The following SYK variants were observed in gnomAD, a reference collection of about 807,000 sequenced individuals.
SYK encodes tyrosine-protein kinase SYK.
In SYK, 16 loss-of-function variants were observed where a neutral mutation model predicts 77.8. The observed-to-expected ratio is 0.21, with a 90% confidence interval of 0.14 to 0.31. SYK has a LOEUF of 0.31. Ranked by LOEUF, SYK falls within the 10% of genes least tolerant of loss-of-function variation. The pLI, the probability that SYK is intolerant of heterozygous loss-of-function variation, is 1.00. For synonymous variants in SYK, 312 were observed against 308.7 expected, an observed-to-expected ratio of 1.01 and a Z score of -0.11; for missense variants, 529 against 814.4, an observed-to-expected ratio of 0.65 and a Z score of 4.26.
At chr9:90,813,927 C>T (rs540246906) in intron 1 of SYK, among the ~76,000 whole-genome samples, 1 of 152,166 alleles carries the variant, frequency 6.6e-6, no homozygotes, top group Non-Finnish European at 1.5e-5. Flanking sequence ...CAAGGTCACT[C>T]CCCCGGGGGG....
At chr9:90,876,574 T>C (rs979789368) in intron 9 of SYK, among the ~76,000 whole-genome samples, 7 of 152,368 alleles carry the variant, frequency 4.6e-5, no homozygotes, top group African/African-American at 1.7e-4. Flanking sequence ...TCCTAAGCTT[T>C]TTCAGATTAT....
At chr9:90,811,180 C>G (rs1313558343) in intron 1 of SYK, among the ~76,000 whole-genome samples, 3 of 151,816 alleles carry the variant, frequency 2.0e-5, no homozygotes, top group African/African-American at 4.8e-5. Flanking sequence ...AAATTTTAAG[C>G]AAATCCCCAT....
rs117608228 is a variant in SYK, at chr9:90,888,760, G to T, written c.1835+133G>T. ...GTGCCCGCTTTCTAAACAAACAACG[G>T]TGGGGGCTGGTCTTGCTTTAGAGAC... is the stretch of plus-strand genomic sequence containing the variant. On this transcript the variant is annotated intron_variant, in intron 13 of 13. Coordinates refer to ENST00000375754, the MANE Select transcript of SYK (RefSeq NM_003177.7). 2.9e-4 allele frequency: 199 copies of T among 679,060 alleles called. 2 individuals are homozygous for T. The East Asian group carries it at 5.5e-3, about 19-fold the overall frequency. 42.1% of individuals were successfully genotyped at this position (679,060 alleles called of 1,614,324 possible).
intron 1 of SYK, among the ~76,000 whole-genome samples, chr9:90,838,118 C>T (rs887379767): frequency 6.6e-6 from 1 of 152,206 alleles, no homozygotes; most frequent in Non-Finnish European, 1.5e-5. Context: ...TGGAGGTCAA[C>T]TTGTCTGTTA....
At chr9:90,840,426 A>G (rs1427582099) in intron 1 of SYK, among the ~76,000 whole-genome samples, 1 of 152,126 alleles carries the variant, frequency 6.6e-6, no homozygotes, top group Non-Finnish European at 1.5e-5. Context: ...GGCTGGGGGC[A>G]GTGGCTGGCC....
intron 1 of SYK, among the ~76,000 whole-genome samples, chr9:90,821,704 C>T (rs977212248): frequency 1.1e-4 from 16 of 152,022 alleles, no homozygotes; most frequent in Non-Finnish European, 1.8e-4. Flanking sequence ...CTCCTCCTTT[C>T]ACCTCATATT....
At chr9:90,812,065 G>A (rs1184883326) in intron 1 of SYK, among the ~76,000 whole-genome samples, 1 of 152,040 alleles carries the variant, frequency 6.6e-6, no homozygotes, top group Non-Finnish European at 1.5e-5. Context: ...GTACACATGT[G>A]TATGTAAATA....
At chr9:90,867,514 C>CG (rs1316167938) in intron 7 of SYK, among the ~76,000 whole-genome samples, 1 of 152,182 alleles carries the variant, frequency 6.6e-6, no homozygotes, top group Non-Finnish European at 1.5e-5. Flanking sequence ...GTCCGAAAAT[C>CG]TTTTCAAAGA....
In SYK at chr9:90,877,753, C is replaced by G; in HGVS notation, c.1364C>G (p.Pro455Arg). 6.2e-7 allele frequency: 1 copy of G among 1,614,170 alleles called. No homozygotes were observed. Among genetic ancestry groups the G allele is most frequent in the Non-Finnish European group, 8.5e-7 (1 of 1,180,036 alleles). ...GTTATGGAGATGGCAGAACTTGGTC[C>G]CCTCAATAAGTATTTGCAGCAGAAC... is the stretch of plus-strand genomic sequence containing the variant. Reference protein sequence around the residue: ...MLVMEMAELGPLNKYLQQNRH... With the variant: ...MLVMEMAELGRLNKYLQQNRH... Residue 455 changes from proline to arginine, a missense_variant, in exon 10 of 14, where the codon CCC becomes CGC. By Grantham distance (103) the Pro-to-Arg change is moderately radical. Coordinates refer to ENST00000375754, the MANE Select transcript of SYK (RefSeq NM_003177.7).
chr9:90,869,328 C>T (rs1338225936), intron 7 of SYK, among the ~76,000 whole-genome samples: 1 of 151,706 alleles, frequency 6.6e-6, no homozygotes, highest in East Asian at 1.9e-4. Context: ...TTAAAGTATA[C>T]ATTGAATTTT....
chr9:90,816,298 A>G (rs1398591120), intron 1 of SYK, among the ~76,000 whole-genome samples: 1 of 152,202 alleles, frequency 6.6e-6, no homozygotes, highest in Non-Finnish European at 1.5e-5. Flanking sequence ...TTTAGAAGGC[A>G]GATAGCTGTG....
Position 90,867,323 on chromosome 9 carries a change from C to T in SYK, c.915+124C>T, listed in dbSNP as rs901348938. 21 of 978,512 alleles carry T rather than the reference C, an allele frequency of 2.1e-5. 1 individual carries two copies. The highest frequency in any genetic ancestry group is 4.2e-4 in the Middle Eastern group (2 of 4,718). The allele number at this position is 978,512 out of a possible 1,614,324, so 60.6% of individuals were successfully genotyped here. On this transcript the variant is annotated intron_variant, in intron 7 of 13. Coordinates refer to ENST00000375754, the MANE Select transcript of SYK (RefSeq NM_003177.7). Reference sequence around the variant, plus strand: ...CATCTCTTGCCACTCTGCTTCCAGGCCTCTTTGCCCTTGCTCACACCTGCT... The same window carrying T: ...CATCTCTTGCCACTCTGCTTCCAGGTCTCTTTGCCCTTGCTCACACCTGCT...
intron 13 of SYK, among the ~76,000 whole-genome samples, chr9:90,893,530 C>T (rs1216438415): frequency 1.3e-5 from 2 of 152,180 alleles, no homozygotes; most frequent in East Asian, 1.9e-4. Flanking sequence ...GAAATAGTCT[C>T]ATTAGCACAA....
chr9:90,819,285 G>T (rs866451129), intron 1 of SYK, among the ~76,000 whole-genome samples: 5 of 152,170 alleles, frequency 3.3e-5, no homozygotes, highest in African/African-American at 9.7e-5. Flanking sequence ...TTGTGAATTT[G>T]CCTACTCACA....
At chr9:90,836,223 C>T (rs936019952) in intron 1 of SYK, among the ~76,000 whole-genome samples, 1 of 150,548 alleles carries the variant, frequency 6.6e-6, no homozygotes, top group African/African-American at 2.4e-5. Flanking sequence ...GGAGGCGGAG[C>T]TTGCAGTGAG....
intron 7 of SYK, among the ~76,000 whole-genome samples, chr9:90,871,392 A>ATATATATTAATAT (rs1827721003): frequency 2.0e-5 from 3 of 152,276 alleles, no homozygotes; most frequent in African/African-American, 7.2e-5. Context: ...TAAAAGGTTA[A>ATATATATTAATAT]TAGTAATGTA....
intron 11 of SYK, among the ~76,000 whole-genome samples, chr9:90,881,923 G>T (rs767376715): frequency 1.3e-5 from 2 of 152,146 alleles, no homozygotes; most frequent in East Asian, 1.9e-4. Flanking sequence ...CGACTGCTCC[G>T]CAGGGTTTGG....
chr9:90,844,607 G>A (rs1826511522), intron 2 of SYK, among the ~76,000 whole-genome samples: 1 of 152,218 alleles, frequency 6.6e-6, no homozygotes, highest in Non-Finnish European at 1.5e-5. Flanking sequence ...GCATTGATAG[G>A]TGTTGATTGG....
intron 1 of SYK, among the ~76,000 whole-genome samples, chr9:90,825,674 G>A (rs1825645808): frequency 6.6e-6 from 1 of 152,192 alleles, no homozygotes; most frequent in South Asian, 2.1e-4. Context: ...TTTTAGCAGA[G>A]AAAAGGGCCA....
Sources: gnomAD v4.1 joint callset for allele counts (sites outside exome capture counted in the v4.1 genomes callset) on GRCh38, gnomAD v4.1.1 for gene constraint, MANE v1.5 for transcripts, NCBI Gene and HGNC (gene_info 2026-07-23, HGNC 2026-07-21) for gene names.